BIRC6: variants seen among roughly 807,000 people sequenced by gnomAD.
The protein encoded by BIRC6 is dual E2 ubiquitin-conjugating enzyme/E3 ubiquitin-protein ligase BIRC6.
BIRC6 carries 98 observed loss-of-function variants against 503.3 expected under a neutral mutation model. The ratio of observed to expected loss-of-function variants is 0.19; its 90% confidence interval spans 0.17 to 0.23. BIRC6 has a LOEUF of 0.23. Among genes scored for constraint, BIRC6 ranks in the 10% least tolerant of loss-of-function variants. The pLI, the probability that BIRC6 is intolerant of heterozygous loss-of-function variation, is 1.00. For synonymous variants in BIRC6, 2,240 were observed against 2,078.7 expected (o/e 1.08, Z -2.11); for missense variants, 5,360 against 5,806.0 (o/e 0.92, Z 2.50).
chr2:32,602,098 C>G (rs991136797), intron 70 of BIRC6, among the ~76,000 whole-genome samples: 1 of 152,036 alleles, frequency 6.6e-6, no homozygotes, highest in Non-Finnish European at 1.5e-5. Flanking sequence ...GAATATATAT[C>G]CAAGGGAAAT....
rs2054901600 is a variant in BIRC6, at chr2:32,515,202, A to T, written c.10781A>T (p.Asp3594Val). The change falls in exon 55 of 74, where the codon GAT (aspartate) becomes GTT (valine). Residue 3594 changes from aspartate (D) to valine (V), a missense_variant. This residue lies in a region of BIRC6 where 878 missense variants were observed against 928.9 expected (regional missense o/e 0.95). Coordinates refer to ENST00000421745, the MANE Select transcript of BIRC6 (RefSeq NM_016252.4). ...KKQDLSSSLT[D>V]DSKNAQAPLA... ...CAGGATCTTAGTTCATCTTTAACAG[A>T]TGACTCTAAAAATGCACAAGCACCT... 6.2e-7 allele frequency: 1 copy of T among 1,613,926 alleles called. No individual in the cohort carries two copies. The highest frequency in any genetic ancestry group is 8.5e-7 in the Non-Finnish European group (1 of 1,179,872).
chr2:32,531,848 A>T (rs575211717), intron 61 of BIRC6, among the ~76,000 whole-genome samples: 1 of 152,120 alleles, frequency 6.6e-6, no homozygotes, highest in South Asian at 2.1e-4. Flanking sequence ...TTTAAGTGTG[A>T]TATTTATTAG....
chr2:32,616,959 G>C (rs923966397), intron 73 of BIRC6, among the ~76,000 whole-genome samples: 5 of 152,062 alleles, frequency 3.3e-5, no homozygotes, highest in Admixed American at 6.5e-5. Context: ...AGCTAGGCAT[G>C]GTGCTTCATT....
At chr2:32,544,473 T>G (rs2057909768) in intron 62 of BIRC6, among the ~76,000 whole-genome samples, 1 of 150,350 alleles carries the variant, frequency 6.7e-6, no homozygotes, top group Non-Finnish European at 1.5e-5. Context: ...GTCTGCATTT[T>G]CTTTTTTCTT....
chr2:32,526,389 G>A (rs1453175530), intron 59 of BIRC6: 1 of 152,038 alleles, frequency 6.6e-6, no homozygotes. Context: ...GTGTTTTTTT[G>A]CTCTGTGGTG....
At chr2:32,538,164 A>T (rs1212725147) in intron 61 of BIRC6, among the ~76,000 whole-genome samples, 1 of 152,176 alleles carries the variant, frequency 6.6e-6, no homozygotes, top group Non-Finnish European at 1.5e-5. Flanking sequence ...AGCCACAGTC[A>T]TATTGGCTGG....
chr2:32,372,166 G>A (rs4952262), intron 1 of BIRC6, among the ~76,000 whole-genome samples: 93,396 of 152,038 alleles, frequency 0.61, 29,630 homozygotes, highest in African/African-American at 0.77. Flanking sequence ...ATAAAGTAAA[G>A]TTGTCTATTT....
chr2:32,504,855 G>T (rs2053625622), intron 49 of BIRC6, 150 bp from the exon 50 acceptor site: 1 of 704,742 alleles, frequency 1.4e-6, no homozygotes, highest in East Asian at 2.7e-5. Context: ...ATACCTTTAC[G>T]GTCATGCTTA....
intron 50 of BIRC6, 85 bp from the exon 51 acceptor site, chr2:32,507,895 A>G (rs773347461): frequency 5.5e-6 from 7 of 1,278,290 alleles, no homozygotes; most frequent in Non-Finnish European, 7.4e-6. Context: ...CAACTGTGAA[A>G]GCTGCTATTT....
chr2:32,598,032 T>C, intron 69 of BIRC6, 64 bp downstream of exon 69: 1 of 1,366,560 alleles, frequency 7.3e-7, no homozygotes, highest in Non-Finnish European at 1.0e-6. Context: ...TACTCAAATT[T>C]TTATACAAAA....
chr2:32,396,784 C>T (rs150639108), intron 6 of BIRC6, among the ~76,000 whole-genome samples: 201 of 152,178 alleles, frequency 1.3e-3, no homozygotes, highest in African/African-American at 4.4e-3. Flanking sequence ...AGTGCAGTGG[C>T]GCGATCTCGG....
chr2:32,465,938 A>G (rs993193791), intron 26 of BIRC6, among the ~76,000 whole-genome samples: 2 of 152,202 alleles, frequency 1.3e-5, no homozygotes, highest in Non-Finnish European at 2.9e-5. Flanking sequence ...TTCATTGGTA[A>G]CAACATTAGT....
intron 12 of BIRC6, among the ~76,000 whole-genome samples, chr2:32,432,776 A>C (rs961311806): frequency 5.3e-5 from 8 of 151,858 alleles, no homozygotes; most frequent in Non-Finnish European, 1.2e-4. Flanking sequence ...AAAAAAAAAA[A>C]ACTTTCATGC....
chr2:32,470,983 A>G (rs1398318556), intron 31 of BIRC6, 31 bp from the exon 32 acceptor site: 3 of 1,550,458 alleles, frequency 1.9e-6, no homozygotes, highest in African/African-American at 1.4e-5. Flanking sequence ...AGTCATCTGG[A>G]TGTTTTTCCT....
chr2:32,513,194 T>A (rs767405049), intron 54 of BIRC6, 40 bp downstream of exon 54: 3 of 1,464,760 alleles, frequency 2.0e-6, no homozygotes, highest in Admixed American at 1.7e-5. Flanking sequence ...CCCCCAGTAC[T>A]AGATCAGTTA....
chr2:32,587,548 AC>A (rs1184603456), intron 66 of BIRC6, among the ~76,000 whole-genome samples: 1 of 152,084 alleles, frequency 6.6e-6, no homozygotes, highest in Non-Finnish European at 1.5e-5. Context: ...ACAAGGCAAA[AC>A]CCTGTCTCTA....
chr2:32,441,121 G>C (rs1331122316), intron 16 of BIRC6, among the ~76,000 whole-genome samples: 1 of 152,106 alleles, frequency 6.6e-6, no homozygotes, highest in Admixed American at 6.6e-5. Context: ...CTTTAAAATA[G>C]TGGCTGTGTC....
At chr2:32,458,077 A>AT (rs1248884542) in intron 23 of BIRC6, among the ~76,000 whole-genome samples, 3 of 152,108 alleles carry the variant, frequency 2.0e-5, no homozygotes, top group African/African-American at 7.2e-5. Context: ...GTTACTAGTT[A>AT]TTTTTACTGG....
intron 45 of BIRC6, among the ~76,000 whole-genome samples, chr2:32,495,994 C>G (rs1210765247): frequency 6.6e-6 from 1 of 151,682 alleles, no homozygotes; most frequent in East Asian, 1.9e-4. Flanking sequence ...CCTGCCATCA[C>G]GCCCTGCTAA....
Sources: gnomAD v4.1 joint callset for allele counts (sites outside exome capture counted in the v4.1 genomes callset) on GRCh38, gnomAD v4.1.1 for gene constraint, gnomAD v4.1.1 regional missense constraint, MANE v1.5 for transcripts, NCBI Gene and HGNC (gene_info 2026-07-23, HGNC 2026-07-21) for gene names.